The following SGMS1 variants were observed in gnomAD, a reference collection of about 807,000 sequenced individuals.
SGMS1 encodes phosphatidylcholine:ceramide cholinephosphotransferase 1.
SGMS1 carries 13 observed loss-of-function variants against 46.2 expected under a neutral mutation model. The observed-to-expected ratio is 0.28, with a 90% CI of 0.18 to 0.45. SGMS1 has a LOEUF of 0.45. Ranked by LOEUF, SGMS1 falls within the 20% of genes least tolerant of loss-of-function variation. SGMS1 has a pLI of 1.00. For synonymous variants in SGMS1, 203 were observed against 187.8 expected, an observed-to-expected ratio of 1.08 and a Z score of -0.66; for missense variants, 324 against 519.9, an observed-to-expected ratio of 0.62 and a Z score of 3.66.
intron 3 of SGMS1, among the ~76,000 whole-genome samples, chr10:50,471,052 T>C (rs1837374475): frequency 6.6e-6 from 1 of 152,110 alleles, no homozygotes; most frequent in African/African-American, 2.4e-5. Context: ...CTTAAGGAAG[T>C]AGTTACTAAA....
At chr10:50,598,883 A>C (rs1838621619) in intron 1 of SGMS1, among the ~76,000 whole-genome samples, 1 of 152,250 alleles carries the variant, frequency 6.6e-6, no homozygotes, top group Non-Finnish European at 1.5e-5. Context: ...AAGACAGCAA[A>C]ACAAATAAGG....
chr10:50,311,290 T>C lies in SGMS1; in HGVS notation c.867A>G (p.Leu289=). ...DYLYSGHTVM[L]TLTYLFIKEY... is the part of the protein sequence containing the mutation. ...CTTTGATAAATAAGTAGGTAAGTGT[T>C]AGCATGACCGTGTGGCCGCTGTACA... is the stretch of plus-strand genomic sequence containing the variant. Residue 289 remains leucine (L), a synonymous_variant, in exon 9 of 11, where the codon CTA becomes CTG. Transcript: ENST00000361781. The C allele has an allele frequency of 6.2e-7, 1 of 1,613,870 alleles. No homozygotes were observed. Among genetic ancestry groups the C allele is most frequent in the Non-Finnish European group, 8.5e-7 (1 of 1,179,840 alleles).
intron 1 of SGMS1, among the ~76,000 whole-genome samples, chr10:50,614,324 CA>C (rs1281739440): frequency 2.6e-5 from 4 of 152,212 alleles, no homozygotes; most frequent in Non-Finnish European, 5.9e-5. Flanking sequence ...TGGACTGGCT[CA>C]GACACCCCTC....
In SGMS1 at chr10:50,460,817, G is replaced by A. The variant is rs1837255278; in HGVS notation, c.-454-3C>T. Reference sequence around the variant, plus strand: ...TCCCAAAGAACTCAATGGTGTGCCTGGGACAGAGAAGCAGTTTCAGTTTAA... The same window carrying A: ...TCCCAAAGAACTCAATGGTGTGCCTAGGACAGAGAAGCAGTTTCAGTTTAA... On this transcript the variant is annotated splice_region_variant and splice_polypyrimidine_tract_variant and intron_variant, in intron 4 of 10. Coordinates refer to ENST00000361781, the MANE Select transcript of SGMS1 (RefSeq NM_147156.4). 1 of 152,314 alleles carries A rather than the reference G, an allele frequency of 6.6e-6. No homozygotes were observed. Among genetic ancestry groups the A allele is most frequent in the Non-Finnish European group, 1.5e-5 (1 of 68,046 alleles). 9.4% of individuals were successfully genotyped at this position (152,314 alleles called of 1,614,324 possible).
At chr10:50,474,306 C>G (rs1437781164) in intron 3 of SGMS1, 2 of 152,154 alleles carry the variant, frequency 1.3e-5, no homozygotes, top group African/African-American at 2.4e-5. Context: ...AATCTGAAGT[C>G]AGGTTTTTTG....
chr10:50,496,998 A>G (rs1293487139), intron 3 of SGMS1, among the ~76,000 whole-genome samples: 1 of 152,090 alleles, frequency 6.6e-6, no homozygotes, highest in Non-Finnish European at 1.5e-5. Context: ...GCTTCCACCC[A>G]CTGGTAAAAG....
chr10:50,396,654 G>A (rs749018712), intron 6 of SGMS1, among the ~76,000 whole-genome samples: 3 of 152,114 alleles, frequency 2.0e-5, no homozygotes, highest in Admixed American at 2.0e-4. Context: ...CTGACTCACA[G>A]GATTAAATGA....
At chr10:50,624,436 G>A (rs1019830671), upstream of SGMS1, among the ~76,000 whole-genome samples, 2 of 152,160 alleles carry the variant, frequency 1.3e-5, no homozygotes, top group Non-Finnish European at 2.9e-5. Context: ...CGGCCGACCT[G>A]ACTATTCGGC....
intron 7 of SGMS1, among the ~76,000 whole-genome samples, chr10:50,339,604 T>C (rs1306605962): frequency 6.6e-6 from 1 of 152,212 alleles, no homozygotes; most frequent in Non-Finnish European, 1.5e-5. Context: ...GATCCTTTAC[T>C]CAGTGGAGCA....
At chr10:50,542,341 T>C (rs1487221926) in intron 2 of SGMS1, among the ~76,000 whole-genome samples, 4 of 152,178 alleles carry the variant, frequency 2.6e-5, no homozygotes, top group African/African-American at 9.7e-5. Context: ...GTGTTTACAG[T>C]GATTTAAAAA....
At chr10:50,511,262 C>CACACAT (rs1176086130) in intron 3 of SGMS1, among the ~76,000 whole-genome samples, 9 of 145,582 alleles carry the variant, frequency 6.2e-5, no homozygotes, top group African/African-American at 2.0e-4. Flanking sequence ...CACACACACA[C>CACACAT]ACACACACAC....
chr10:50,538,375 A>G (rs373189108), intron 2 of SGMS1, among the ~76,000 whole-genome samples: 65 of 150,220 alleles, frequency 4.3e-4, no homozygotes, highest in South Asian at 2.7e-3. Flanking sequence ...GGACAATGGC[A>G]TGAACCCGGG....
chr10:50,331,802 A>G (rs1847627235), intron 7 of SGMS1, among the ~76,000 whole-genome samples: 1 of 124,918 alleles, frequency 8.0e-6, no homozygotes, highest in Admixed American at 9.0e-5. Flanking sequence ...GTGCCCTTAT[A>G]AAATAGACAA....
intron 6 of SGMS1, among the ~76,000 whole-genome samples, chr10:50,358,256 T>C (rs1420280109): frequency 6.6e-6 from 1 of 152,220 alleles, no homozygotes; most frequent in Non-Finnish European, 1.5e-5. Flanking sequence ...CATGTAGCAT[T>C]TAGCTCAAAC....
intron 3 of SGMS1, among the ~76,000 whole-genome samples, chr10:50,499,396 A>T (rs1455243678): frequency 6.6e-6 from 1 of 152,178 alleles, no homozygotes; most frequent in African/African-American, 2.4e-5. Context: ...AGATGATGAT[A>T]AGGAGGAGGA....
At chr10:50,487,698 T>C (rs1398499874) in intron 3 of SGMS1, among the ~76,000 whole-genome samples, 4 of 152,120 alleles carry the variant, frequency 2.6e-5, no homozygotes, top group African/African-American at 9.7e-5. Context: ...TTCTAGGTCA[T>C]TAAACTATTA....
intron 6 of SGMS1, among the ~76,000 whole-genome samples, chr10:50,358,282 T>A (rs1170407178): frequency 2.0e-5 from 3 of 152,202 alleles, no homozygotes; most frequent in Non-Finnish European, 4.4e-5. Flanking sequence ...AACACAAAAC[T>A]ACCTGTGGGG....
intron 1 of SGMS1, among the ~76,000 whole-genome samples, chr10:50,591,818 T>C (rs1182188589): frequency 1.3e-5 from 2 of 152,054 alleles, no homozygotes; most frequent in African/African-American, 2.4e-5. Flanking sequence ...AAAACTACAG[T>C]TGGGGAGAAC....
At chr10:50,375,705 T>C (rs1300956690) in intron 6 of SGMS1, among the ~76,000 whole-genome samples, 1 of 152,080 alleles carries the variant, frequency 6.6e-6, no homozygotes, top group African/African-American at 2.4e-5. Flanking sequence ...AGATCGGAAG[T>C]AGTATAGATG....
Sources: gnomAD v4.1 joint callset for allele counts (sites outside exome capture counted in the v4.1 genomes callset) on GRCh38, gnomAD v4.1.1 for gene constraint, MANE v1.5 for transcripts, NCBI Gene and HGNC (gene_info 2026-07-23, HGNC 2026-07-21) for gene names.